Variants in YIPF5 observed in about 807,000 individuals in gnomAD.
The protein encoded by YIPF5 is Yip1 domain family member 5.
A neutral mutation model predicts 30.4 loss-of-function variants in YIPF5; 8 were observed. The ratio of observed to expected loss-of-function variants is 0.26; its 90% CI spans 0.15 to 0.47. YIPF5 has a LOEUF of 0.47. Among genes scored for constraint, YIPF5 ranks in the 20% least tolerant of loss-of-function variants. The pLI is 0.99. For synonymous variants in YIPF5, 104 were observed against 107.9 expected, an observed-to-expected ratio of 0.96 and a Z score of 0.23; for missense variants, 282 against 301.8, an observed-to-expected ratio of 0.93 and a Z score of 0.49.
In YIPF5 at chr5:144,158,739, C is replaced by CA. The variant is rs1184614003; in HGVS notation, c.*1657dup. 3 of 1,001,084 alleles carry CA rather than the reference C, an allele frequency of 3.0e-6. No individual in the cohort carries two copies. Among genetic ancestry groups the CA allele is most frequent in the Non-Finnish European group, 3.6e-6 (3 of 840,894 alleles). 62.0% of individuals were successfully genotyped at this position (1,001,084 alleles called of 1,614,324 possible). A position where few individuals can be genotyped will look rare whatever the true frequency, so the allele number is the denominator to read the frequency against. ...ATTTGGTAAGTTTGAAAACCTAGCC[C>CA]AAAACAAATTAATGACAAGTGGGTT... is the stretch of plus-strand genomic sequence containing the variant. On this transcript the variant is annotated 3_prime_UTR_variant, in exon 6 of 6. Transcript: ENST00000274496.
At chr5:144,169,032 G>A (rs908376080) in intron 2 of YIPF5, among the ~76,000 whole-genome samples, 6 of 152,026 alleles carry the variant, frequency 3.9e-5, no homozygotes, top group Non-Finnish European at 8.8e-5. Context: ...TGGGAAAGAG[G>A]CCCAGTTGTA....
intron 4 of YIPF5, among the ~76,000 whole-genome samples, chr5:144,163,509 T>C (rs1024262202): frequency 1.3e-5 from 2 of 152,192 alleles, no homozygotes; most frequent in African/African-American, 4.8e-5. Flanking sequence ...CAAAGGCTGA[T>C]CAGGAGCACT....
At position 144,159,298 on chromosome 5, in the gene YIPF5, T is replaced by C; in HGVS notation, c.*1099A>G. The C allele has an allele frequency of 1.0e-6, 1 of 972,890 alleles. No individual in the cohort carries two copies. Among genetic ancestry groups the C allele is most frequent in the Non-Finnish European group, 1.2e-6 (1 of 818,606 alleles). 60.3% of individuals were successfully genotyped at this position (972,890 alleles called of 1,614,324 possible). On this transcript the variant is annotated 3_prime_UTR_variant, in exon 6 of 6. Transcript: ENST00000274496. ...TTAATTGGGAAAGTTTTAATAAGCA[T>C]TCAAATGTACTTTACATTGATAATT...
chr5:144,160,463 C>T lies in YIPF5; in HGVS notation c.708G>A (p.Gln236=). ...CGCAAGGATATGCTACTAAAAGTTG[C>T]TGTCCTTCCATGGCTAATGCAGAAA... The part of the protein sequence containing the change: ...IFISALAMEG[Q]QLLVAYPCAL... The change falls in exon 6 of 6, where the codon CAG becomes CAA. Residue 236 remains glutamine, a synonymous_variant. Coordinates refer to ENST00000274496, the MANE Select transcript of YIPF5 (RefSeq NM_030799.9). 1 of 1,614,104 alleles carries T rather than the reference C, an allele frequency of 6.2e-7. No individual in the cohort carries two copies. The highest frequency in any genetic ancestry group is 1.1e-5 in the South Asian group (1 of 91,078).
chr5:144,163,974 C>A, intron 4 of YIPF5, 137 bp downstream of exon 4: 2 of 930,650 alleles, frequency 2.1e-6, no homozygotes, highest in Non-Finnish European at 3.1e-6. Context: ...GGTATAAATA[C>A]AAGCAACTCA....
chr5:144,162,337 A>C lies in YIPF5; in HGVS notation c.492T>G (p.Phe164Leu). 6.2e-7 allele frequency: 1 copy of C among 1,614,162 alleles called. No individual in the cohort carries two copies. Among genetic ancestry groups the C allele is most frequent in the Non-Finnish European group, 8.5e-7 (1 of 1,179,990 alleles). Reference sequence around the variant, plus strand: ...TCATACTCATTAAGTTTAATAAACAAAACATTCCTAGACATCCAATTGCAC... The same window carrying C: ...TCATACTCATTAAGTTTAATAAACACAACATTCCTAGACATCCAATTGCAC... ...GISAIGCLGM[F>L]CLLNLMSMTG... Residue 164 changes from phenylalanine to leucine, a missense_variant, in exon 5 of 6, where the codon TTT (phenylalanine) becomes TTG (leucine). Transcript: ENST00000274496.
At chr5:144,170,460 G>C (rs552342467) in intron 1 of YIPF5, 75 bp downstream of exon 1, 1 of 165,076 alleles carries the variant, frequency 6.1e-6, no homozygotes, top group Admixed American at 6.0e-5. Flanking sequence ...GCGCGGCGCC[G>C]AAAGACGGCA....
chr5:144,159,524 ATC>A lies in YIPF5; in HGVS notation c.*871_*872del. Reference sequence around the variant, plus strand: ...ATAAGGTAGATTGTGAACTTCCCGTATCTCTGAATTTTAGCAAAAATTCCATG... The same window carrying A: ...ATAAGGTAGATTGTGAACTTCCCGTATCTGAATTTTAGCAAAAATTCCATG... On this transcript the variant is annotated 3_prime_UTR_variant, in exon 6 of 6. Transcript: ENST00000274496. 1.0e-6 allele frequency: 1 copy of A among 985,372 alleles called. No homozygotes were observed. The highest frequency in any genetic ancestry group is 4.7e-5 in the South Asian group (1 of 21,282). 61.0% of individuals were successfully genotyped at this position (985,372 alleles called of 1,614,324 possible). A position where few individuals can be genotyped will look rare whatever the true frequency, so the allele number is the denominator to read the frequency against.
rs374674119 is a variant in YIPF5, at chr5:144,158,870, T to C, written c.*1527A>G. The C allele has an allele frequency of 1.0e-4, 103 of 984,636 alleles. No individual in the cohort carries two copies. In the South Asian group the frequency reaches 1.6e-3, roughly 15 times the overall value. 61.0% of individuals were successfully genotyped at this position (984,636 alleles called of 1,614,324 possible). On this transcript the variant is annotated 3_prime_UTR_variant, in exon 6 of 6. Coordinates refer to ENST00000274496, the MANE Select transcript of YIPF5 (RefSeq NM_030799.9). Reference sequence around the variant, plus strand: ...GAAAACTTGTTCTAAAAAAGAACCATTGATACATCATTTTGACATTTCTAT... The same window carrying C: ...GAAAACTTGTTCTAAAAAAGAACCACTGATACATCATTTTGACATTTCTAT...
intron 5 of YIPF5, among the ~76,000 whole-genome samples, chr5:144,161,953 C>T (rs970289600): frequency 6.6e-6 from 1 of 152,076 alleles, no homozygotes; most frequent in Non-Finnish European, 1.5e-5. Context: ...TTACCCTGTT[C>T]AATTTGTTAC....
rs1278886840 is a variant in YIPF5 at position 144,169,868 on chromosome 5, C to T, written c.88G>A (p.Gly30Arg). 6.2e-7 allele frequency: 1 copy of T among 1,614,152 alleles called. No homozygotes were observed. Among genetic ancestry groups the T allele is most frequent in the Admixed American group, 1.7e-5 (1 of 60,026 alleles). ...TACTTGCTATAGGGTCCTCCACTTC[C>T]TCCATAATCATAGGACTGCTGTGAC... ...DQSQQSYDYG[G>R]SGGPYSKQYA... The change falls in exon 2 of 6, where the codon GGA (glycine) becomes AGA (arginine). Residue 30 changes from glycine (G) to arginine (R), a missense_variant. Physicochemically the swap from Gly to Arg is moderately radical, Grantham distance 125. Transcript: ENST00000274496.
Position 144,159,926 on chromosome 5 carries a change from T to C in YIPF5, c.*471A>G. On this transcript the variant is annotated 3_prime_UTR_variant, in exon 6 of 6. Transcript: ENST00000274496. ...GGTTTCACCGTGTTAACCAGGATGG[T>C]CTCGATCTCCTGCCCTTGTGATCCG... 1 of 812,380 alleles carries C rather than the reference T, an allele frequency of 1.2e-6. No homozygotes were observed. The allele number at this position is 812,380 out of a possible 1,614,324, so 50.3% of individuals were successfully genotyped here. A position where few individuals can be genotyped will look rare whatever the true frequency, so the allele number is the denominator to read the frequency against.
chr5:144,168,799 T>C (rs1413091598), intron 2 of YIPF5, among the ~76,000 whole-genome samples: 1 of 152,156 alleles, frequency 6.6e-6, no homozygotes, highest in Non-Finnish European at 1.5e-5. Flanking sequence ...GAATTTGAAT[T>C]TTGTTTTGTT....
intron 2 of YIPF5, among the ~76,000 whole-genome samples, chr5:144,168,297 CAGAAA>C (rs1248989609): frequency 2.0e-5 from 3 of 151,430 alleles, no homozygotes; most frequent in Non-Finnish European, 2.9e-5. Flanking sequence ...GTGGACAGGA[CAGAAA>C]AGAAAAGAAA....
Position 144,170,100 on chromosome 5 carries a change from G to C in YIPF5, c.-10-135C>G, listed in dbSNP as rs369767371. The stretch of plus-strand genomic sequence containing the variant: ...TTCGGAGAGGGGATGGGGGCGGAAA[G>C]TACGCAGCATTTGAACGACGGTAGC... On this transcript the variant is annotated intron_variant, in intron 1 of 5. Coordinates refer to ENST00000274496, the MANE Select transcript of YIPF5 (RefSeq NM_030799.9). The C allele has an allele frequency of 4.5e-5, 30 of 669,522 alleles. No homozygotes were observed. The East Asian group carries it at 7.1e-4, about 16-fold the overall frequency. 41.5% of individuals were successfully genotyped at this position (669,522 alleles called of 1,614,324 possible). A position where few individuals can be genotyped will look rare whatever the true frequency, so the allele number is the denominator to read the frequency against.
At chr5:144,169,741 T>C in intron 2 of YIPF5, 105 bp downstream of exon 2, 1 of 908,442 alleles carries the variant, frequency 1.1e-6, no homozygotes, top group Non-Finnish European at 1.7e-6. Context: ...ATCATACTCC[T>C]GATAAAGGAC....
Position 144,164,114 on chromosome 5 carries a change from T to C in YIPF5, c.426A>G (p.Leu142=). Residue 142 remains leucine (L), a synonymous_variant, in exon 4 of 6, where the codon CTA becomes CTG. Transcript: ENST00000274496. ...AAGGTTGAAATGAAAATCTTACCAGTAGCAATGTGGCTCCAAAAGCAAGGC... is the reference window on the plus strand; with the variant it reads ...AAGGTTGAAATGAAAATCTTACCAGCAGCAATGTGGCTCCAAAAGCAAGGC... The part of the protein sequence containing the change: ...VFCLAFGATL[L]LAGKIQFGYV... 5 of 1,611,948 alleles carry C rather than the reference T, an allele frequency of 3.1e-6. No individual in the cohort carries two copies. The highest frequency in any genetic ancestry group is 2.2e-5 in the East Asian group (1 of 44,854).
In YIPF5 at chr5:144,158,578, T is replaced by C. The variant is rs1316814279; in HGVS notation, c.*1819A>G. 4.5e-6 allele frequency: 5 copies of C among 1,120,036 alleles called. No individual in the cohort carries two copies. The African/African-American group carries it at 6.9e-5, about 15-fold the overall frequency. The allele number at this position is 1,120,036 out of a possible 1,614,324, so 69.4% of individuals were successfully genotyped here. A position where few individuals can be genotyped will look rare whatever the true frequency, so the allele number is the denominator to read the frequency against. On this transcript the variant is annotated 3_prime_UTR_variant, in exon 6 of 6. Coordinates refer to ENST00000274496, the MANE Select transcript of YIPF5 (RefSeq NM_030799.9). ...AATATTTGGATATTAAGGGAAGACATTTGCCTTAACAAAAACTATACTGAA... is the reference window on the plus strand; with the variant it reads ...AATATTTGGATATTAAGGGAAGACACTTGCCTTAACAAAAACTATACTGAA...
Position 144,165,477 on chromosome 5 carries a change from G to A in YIPF5, c.238C>T (p.Pro80Ser). Residue 80 changes from proline (P) to serine (S), a missense_variant, in exon 3 of 6, where the codon CCT (proline) becomes TCT (serine). Physicochemically the swap from Pro to Ser is moderately conservative, Grantham distance 74 (BLOSUM62 -1). Transcript: ENST00000274496. ...TCCTCAAAGTTGTTTCCATAGAAAG[G>A]CTGAGGTGAAGCTGGAGTATATGCC... ...TQAYTPASPQ[P>S]FYGNNFEDEP... is the part of the protein sequence containing the mutation. 1 of 1,614,120 alleles carries A rather than the reference G, an allele frequency of 6.2e-7. No homozygotes were observed. Among genetic ancestry groups the A allele is most frequent in the Non-Finnish European group, 8.5e-7 (1 of 1,180,018 alleles).
Sources: allele counts gnomAD v4.1 joint callset (sites outside exome capture counted in the v4.1 genomes callset), GRCh38; gene constraint gnomAD v4.1.1; transcripts MANE v1.5; gene names NCBI Gene and HGNC (gene_info 2026-07-23, HGNC 2026-07-21).